NXPE2: variants seen among roughly 807,000 people sequenced by gnomAD.
NXPE2 encodes neurexophilin and PC-esterase domain family member 2.
In NXPE2, 34 loss-of-function variants were observed where a neutral mutation model predicts 34.4. The ratio of observed to expected loss-of-function variants is 0.99; its 90% CI spans 0.75 to 1.31. The LOEUF is 1.31. Ranked by LOEUF, NXPE2 falls within the 40% of genes most tolerant of loss-of-function variation. NXPE2 has a pLI of 0.00. For synonymous variants in NXPE2, 235 were observed against 231.3 expected, an observed-to-expected ratio of 1.02 and a Z score of -0.15; for missense variants, 649 against 672.5, an observed-to-expected ratio of 0.97 and a Z score of 0.39.
Position 114,698,685 on chromosome 11 carries a change from C to T in NXPE2, c.773C>T (p.Pro258Leu), listed in dbSNP as rs1951308658. ...CAAGAAGCCTTCTACTGTGTGAGGC[C>T]TCAACATATGCCCTGTGAGGCCTTG... ...RDQEAFYCVR[P>L]QHMPCEALTH... Residue 258 changes from proline (P) to leucine (L), a missense_variant, in exon 3 of 6, where the codon CCT becomes CTT. Physicochemically the swap from Pro to Leu is moderately conservative, Grantham distance 98. Coordinates refer to ENST00000389586, the MANE Select transcript of NXPE2 (RefSeq NM_182495.6). The T allele has an allele frequency of 6.2e-7, 1 of 1,614,130 alleles. No homozygotes were observed. Among genetic ancestry groups the T allele is most frequent in the South Asian group, 1.1e-5 (1 of 91,076 alleles).
the NXPE2 span, among the ~76,000 whole-genome samples, chr11:114,496,969 G>A: frequency 6.6e-5 from 10 of 152,140 alleles, no homozygotes; most frequent in South Asian, 2.1e-4. Context: ...GATAATAAAC[G>A]ATTATGTTAC....
chr11:114,615,548 TAA>T, the NXPE2 span, among the ~76,000 whole-genome samples: 1 of 151,948 alleles, frequency 6.6e-6, no homozygotes, highest in Non-Finnish European at 1.5e-5. Context: ...CGGTGGATAA[TAA>T]GTGTTGCTTC....
At chr11:114,595,255 G>T in the NXPE2 span, among the ~76,000 whole-genome samples, 1 of 151,846 alleles carries the variant, frequency 6.6e-6, no homozygotes, top group Non-Finnish European at 1.5e-5. Context: ...GTTTTAGCAG[G>T]CTTTCTAGCA....
At chr11:114,580,072 T>G in the NXPE2 span, 2 of 1,406,798 alleles carry the variant, frequency 1.4e-6, no homozygotes, top group Non-Finnish European at 2.0e-6. Flanking sequence ...CCTTCTCCCC[T>G]TTGAAATGGA....
At chr11:114,522,348 C>T in the NXPE2 span, 2 of 1,614,070 alleles carry the variant, frequency 1.2e-6, no homozygotes, top group Non-Finnish European at 1.7e-6. Context: ...CGGTCAATTT[C>T]CCGAGGGATA....
At chr11:114,548,619 A>G in the NXPE2 span, among the ~76,000 whole-genome samples, 1 of 152,194 alleles carries the variant, frequency 6.6e-6, no homozygotes, top group East Asian at 1.9e-4. Context: ...AGTAACTATA[A>G]TTAATGCATA....
At position 114,706,025 on chromosome 11, in the gene NXPE2, C is replaced by T. The variant is rs1951466384; in HGVS notation, c.1144+29C>T. The T allele has an allele frequency of 6.6e-6, 7 of 1,064,434 alleles. No homozygotes were observed. The East Asian group carries it at 2.3e-4, about 34-fold the overall frequency. 65.9% of individuals were successfully genotyped at this position (1,064,434 alleles called of 1,614,324 possible). ...TGTATTTAATTTATATTTTGAAATT[C>T]TATTTGACTTTTGAGGGTTTTGAAA... On this transcript the variant is annotated intron_variant, in intron 5 of 5. Coordinates refer to ENST00000389586, the MANE Select transcript of NXPE2 (RefSeq NM_182495.6).
chr11:114,532,774 A>G, the NXPE2 span, among the ~76,000 whole-genome samples: 7 of 152,316 alleles, frequency 4.6e-5, no homozygotes, highest in Non-Finnish European at 1.0e-4. Context: ...ATAAATATAT[A>G]CAGGTGTGTG....
At chr11:114,606,569 C>G in the NXPE2 span, among the ~76,000 whole-genome samples, 1 of 151,870 alleles carries the variant, frequency 6.6e-6, no homozygotes, top group Non-Finnish European at 1.5e-5. Context: ...CCACTGTTAC[C>G]TGGTTTATTA....
the NXPE2 span, among the ~76,000 whole-genome samples, chr11:114,656,232 G>C: frequency 6.6e-6 from 1 of 151,958 alleles, no homozygotes; most frequent in Non-Finnish European, 1.5e-5. Flanking sequence ...GGGATGCAAA[G>C]GACCTCTTCA....
At chr11:114,733,779 T>C in the NXPE2 span, among the ~76,000 whole-genome samples, 2 of 152,202 alleles carry the variant, frequency 1.3e-5, no homozygotes, top group Admixed American at 1.3e-4. Context: ...GCCAGGGGTC[T>C]TTCTAACCCC....
the NXPE2 span, among the ~76,000 whole-genome samples, chr11:114,761,748 G>C: frequency 6.6e-6 from 1 of 150,694 alleles, no homozygotes; most frequent in African/African-American, 2.4e-5. Context: ...TAATTTTTTT[G>C]TATTTTTAGT....
At chr11:114,755,521 A>G in the NXPE2 span, among the ~76,000 whole-genome samples, 1 of 152,202 alleles carries the variant, frequency 6.6e-6, no homozygotes, top group Non-Finnish European at 1.5e-5. Context: ...AGACCAACAC[A>G]TTAGTATCTT....
At chr11:114,659,034 T>G in the NXPE2 span, among the ~76,000 whole-genome samples, 1 of 152,258 alleles carries the variant, frequency 6.6e-6, no homozygotes, top group East Asian at 1.9e-4. Context: ...AAAACAATAC[T>G]CACCTTAAGC....
chr11:114,464,782 G>A, the NXPE2 span, among the ~76,000 whole-genome samples: 8 of 151,670 alleles, frequency 5.3e-5, no homozygotes, highest in African/African-American at 1.9e-4. Flanking sequence ...CACAAACTAG[G>A]CGAAGATAAT....
intron 2 of NXPE2, among the ~76,000 whole-genome samples, chr11:114,694,508 G>T (rs763626637): frequency 1.3e-5 from 2 of 152,076 alleles, no homozygotes; most frequent in Non-Finnish European, 2.9e-5. Flanking sequence ...AAAAATTTCA[G>T]TCATTATTTC....
chr11:114,698,233 C>T lies in NXPE2; in HGVS notation c.321C>T (p.Thr107=), dbSNP rs768435096. Residue 107 remains threonine (T), a synonymous_variant, in exon 3 of 6, where the codon ACC becomes ACT. Coordinates refer to ENST00000389586, the MANE Select transcript of NXPE2 (RefSeq NM_182495.6). ...CTTTCACCCATGTGAATACCACCAC[C>T]AGTGCCACACACAGCACAGCCACCA... ...PRPFTHVNTT[T]SATHSTATIL... is the part of the protein sequence containing the mutation. 3.1e-6 allele frequency: 5 copies of T among 1,613,860 alleles called. No individual in the cohort carries two copies. Among genetic ancestry groups the T allele is most frequent in the South Asian group, 2.2e-5 (2 of 91,024 alleles).
chr11:114,647,006 G>A, the NXPE2 span, among the ~76,000 whole-genome samples: 8 of 152,136 alleles, frequency 5.3e-5, no homozygotes, highest in Non-Finnish European at 7.4e-5. Flanking sequence ...AGACACTGAC[G>A]GCACACCTTC....
the NXPE2 span, among the ~76,000 whole-genome samples, chr11:114,615,795 GATA>G: frequency 1.3e-5 from 2 of 151,602 alleles, no homozygotes; most frequent in Non-Finnish European, 1.5e-5. Flanking sequence ...TTACCCAATG[GATA>G]ATAAGTATTG....
Sources: gnomAD v4.1 joint callset for allele counts (sites outside exome capture counted in the v4.1 genomes callset) on GRCh38, gnomAD v4.1.1 for gene constraint, MANE v1.5 for transcripts, NCBI Gene and HGNC (gene_info 2026-07-23, HGNC 2026-07-21) for gene names.